The following ELAC2 variants were observed in gnomAD, a reference collection of about 807,000 sequenced individuals.
ELAC2 encodes the protein elaC ribonuclease Z 2.
A neutral mutation model predicts 105.2 loss-of-function variants in ELAC2; 92 were observed. That is an observed-to-expected ratio of 0.87 (90% CI 0.74 to 1.04). The LOEUF (loss-of-function observed/expected upper bound fraction) is 1.04, where lower values mean the gene tolerates loss of function less well. ELAC2 is among the 50% of genes least tolerant of loss of function. ELAC2 has a pLI of 0.00. For missense variants in ELAC2, 1,099 were observed against 1,071.7 expected (o/e 1.03, Z -0.36); for synonymous variants, 468 against 409.1 (o/e 1.14, Z -1.74).
chr17:12,997,649 T>C (rs2040545423), intron 16 of ELAC2, among the ~76,000 whole-genome samples: 2 of 152,212 alleles, frequency 1.3e-5, no homozygotes, highest in South Asian at 4.1e-4. Context: ...AGATTGTATA[T>C]TTCTGATGTC....
intron 16 of ELAC2, among the ~76,000 whole-genome samples, chr17:12,997,647 T>A (rs1029611167): frequency 5.3e-5 from 8 of 152,182 alleles, no homozygotes; most frequent in African/African-American, 1.7e-4. Flanking sequence ...CCAGATTGTA[T>A]ATTTCTGATG....
intron 14 of ELAC2, among the ~76,000 whole-genome samples, chr17:13,001,595 GC>G (rs1207239430): frequency 6.6e-6 from 1 of 152,162 alleles, no homozygotes; most frequent in Non-Finnish European, 1.5e-5. Flanking sequence ...ACTGGAAGAG[GC>G]TTTCAAGATG....
At position 12,994,869 on chromosome 17, in the gene ELAC2, C is replaced by T. The variant is rs149561185; in HGVS notation, c.1924G>A (p.Val642Met). The T allele has an allele frequency of 6.9e-5, 112 of 1,613,960 alleles. No homozygotes were observed. Among genetic ancestry groups the T allele is most frequent in the African/African-American group, 3.7e-4 (28 of 74,936 alleles). ...CCAAACGCATGCTTGCAGTGCCGCA[C>T]CAGACAGGTCTGAAACTGAAAGGGT... is the stretch of plus-strand genomic sequence containing the variant. ...CDLEEFQTCL[V>M]RHCKHAFGCA... Residue 642 changes from valine (V) to methionine (M), a missense_variant, in exon 21 of 24, where the codon GTG becomes ATG. Physicochemically the swap from Val to Met is conservative, Grantham distance 21. Transcript: ENST00000338034.
chr17:13,017,488 C>A (rs2041809155), intron 1 of ELAC2: 1 of 1,018,764 alleles, frequency 9.8e-7, no homozygotes, highest in Admixed American at 2.8e-5. Flanking sequence ...GGGAAAAGGA[C>A]GCTCAGACCC....
In ELAC2 at chr17:12,993,004, G is replaced by C. The variant is rs371543722; in HGVS notation, c.2295C>G (p.Pro765=). 1.1e-5 allele frequency: 17 copies of C among 1,606,182 alleles called. No individual in the cohort carries two copies. The highest frequency in any genetic ancestry group is 1.3e-5 in the African/African-American group (1 of 74,896). Residue 765 remains proline (P), a synonymous_variant, in exon 24 of 24, where the codon CCC becomes CCG. Coordinates refer to ENST00000338034, the MANE Select transcript of ELAC2 (RefSeq NM_018127.7). ...GDFPTMPKLI[P]PLKALFAGDI... ...CGCCAGCAAACAGGGCTTTCAGTGG[G>C]GGAATCAGCTTGGGCATTGTTGGAA...
At position 13,002,354 on chromosome 17, in the gene ELAC2, C is replaced by T. The variant is rs923784692; in HGVS notation, c.1224G>A (p.Glu408=). Residue 408 remains glutamate, a synonymous_variant, in exon 14 of 24, where the codon GAG becomes GAA. Transcript: ENST00000338034. ...CCATGGGCACACTGAGGGTGGGGCC[C>T]TCCTTCTGAAAGAGACAAAACACAT... is the stretch of plus-strand genomic sequence containing the variant. The part of the protein sequence containing the change: ...PLLTSFRCKK[E]GPTLSVPMVQ... The T allele has an allele frequency of 6.2e-7, 1 of 1,614,148 alleles. No homozygotes were observed.
intron 8 of ELAC2, among the ~76,000 whole-genome samples, chr17:13,008,933 A>T (rs2041256180): frequency 6.6e-6 from 1 of 152,226 alleles, no homozygotes; most frequent in South Asian, 2.1e-4. Flanking sequence ...GCCTGATAAT[A>T]GGGCAACTGC....
rs889538036 is a variant in ELAC2 at position 12,994,365 on chromosome 17, G to C, written c.2108+60C>G. On this transcript the variant is annotated intron_variant, in intron 22 of 23. Coordinates refer to ENST00000338034, the MANE Select transcript of ELAC2 (RefSeq NM_018127.7). ...AGTGGAGACAAACGACGGCTGCTCA[G>C]TGTCACGTAGTGGGGGAGGGAGAGG... The C allele has an allele frequency of 8.2e-6, 13 of 1,583,068 alleles. No homozygotes were observed. In the African/African-American group the frequency reaches 1.5e-4, roughly 18 times the overall value.
chr17:13,000,193 C>T lies in ELAC2; in HGVS notation c.1386G>A (p.Glu462=), dbSNP rs2143590653. ...QLPNFQQSVQ[E]YRRSAQDGPA... is the part of the protein sequence containing the mutation. ...GGCCGTCCTGCGCACTCCTCCTGTACTCCTGCACGCTCTGCTGGAAGTTGG... is the reference window on the plus strand; with the variant it reads ...GGCCGTCCTGCGCACTCCTCCTGTATTCCTGCACGCTCTGCTGGAAGTTGG... Residue 462 remains glutamate, a synonymous_variant, in exon 15 of 24, where the codon GAG becomes GAA. Transcript: ENST00000338034. 1.2e-6 allele frequency: 2 copies of T among 1,614,062 alleles called. No individual in the cohort carries two copies. Among genetic ancestry groups the T allele is most frequent in the Non-Finnish European group, 1.7e-6 (2 of 1,180,046 alleles).
rs184829226 is a variant in ELAC2 at position 12,991,966 on chromosome 17, T to C, written c.*852A>G. Among the ~76,000 whole-genome samples the C allele has an allele frequency of 8.1e-4, 123 of 152,192 alleles. No individual in the cohort carries two copies. The highest frequency in any genetic ancestry group is 1.6e-3 in the Non-Finnish European group (107 of 68,030). On this transcript the variant is annotated 3_prime_UTR_variant, in exon 24 of 24. Transcript: ENST00000338034. ...GAGGACAATGGAAACCAGCCCCGTG[T>C]GCCATTTCTCAAAACCTTCGAGGGC...
In ELAC2 at chr17:13,017,963, A is replaced by G; in HGVS notation, c.-16T>C. On this transcript the variant is annotated 5_prime_UTR_variant, in exon 1 of 24. Transcript: ENST00000338034. ...GCGCCCACATGCGCCCGTCTCCACC[A>G]AAACTGAGAAAGCCGCCGGTCACCT... 6.5e-7 allele frequency: 1 copy of G among 1,535,398 alleles called. No individual in the cohort carries two copies. The highest frequency in any genetic ancestry group is 8.7e-7 in the Non-Finnish European group (1 of 1,146,602).
rs971117784 is a variant in ELAC2, at chr17:13,017,965, A to C, written c.-18T>G. ...GCCCACATGCGCCCGTCTCCACCAAAACTGAGAAAGCCGCCGGTCACCTAC... is the reference window on the plus strand; with the variant it reads ...GCCCACATGCGCCCGTCTCCACCAACACTGAGAAAGCCGCCGGTCACCTAC... On this transcript the variant is annotated 5_prime_UTR_variant, in exon 1 of 24. Coordinates refer to ENST00000338034, the MANE Select transcript of ELAC2 (RefSeq NM_018127.7). 2.0e-6 allele frequency: 3 copies of C among 1,535,202 alleles called. No homozygotes were observed. The highest frequency in any genetic ancestry group is 2.6e-6 in the Non-Finnish European group (3 of 1,146,596).
At chr17:13,005,507 T>G (rs990865845) in intron 10 of ELAC2, among the ~76,000 whole-genome samples, 1 of 152,164 alleles carries the variant, frequency 6.6e-6, no homozygotes, top group Non-Finnish European at 1.5e-5. Flanking sequence ...AAGGAAAGCA[T>G]GCACCCTTTA....
At chr17:13,002,649 G>C in intron 12 of ELAC2, 70 bp from the exon 13 acceptor site, 2 of 1,552,478 alleles carry the variant, frequency 1.3e-6, no homozygotes, top group Non-Finnish European at 1.7e-6. Context: ...GTGGTGCTGA[G>C]CTCAGGAGTG....
chr17:13,006,237 G>A, intron 8 of ELAC2: 1 of 445,232 alleles, frequency 2.2e-6, no homozygotes, highest in Non-Finnish European at 4.1e-6. Flanking sequence ...AGGCGTGGTG[G>A]CACGTGCCTG....
chr17:13,013,799 G>A (rs2041564201), intron 5 of ELAC2, among the ~76,000 whole-genome samples: 2 of 152,184 alleles, frequency 1.3e-5, no homozygotes, highest in African/African-American at 4.8e-5. Context: ...TACAAAGTTG[G>A]CCACAAAACC....
chr17:12,998,463 G>C lies in ELAC2; in HGVS notation c.1469C>G (p.Ser490Cys), dbSNP rs1354808966. 1 of 1,614,222 alleles carries C rather than the reference G, an allele frequency of 6.2e-7. No homozygotes were observed. The highest frequency in any genetic ancestry group is 8.5e-7 in the Non-Finnish European group (1 of 1,180,050). Reference sequence around the variant, plus strand: ...ATTTCGAATCTTCATCGGGATGGCAGACCCTGTTCCAAGGAAGATGATTTC... The same window carrying C: ...ATTTCGAATCTTCATCGGGATGGCACACCCTGTTCCAAGGAAGATGATTTC... ...YPEIIFLGTG[S>C]AIPMKIRNVS... The change falls in exon 16 of 24, where the codon TCT becomes TGT. Residue 490 changes from serine (S) to cysteine (C), a missense_variant. Transcript: ENST00000338034.
At position 13,000,362 on chromosome 17, in the gene ELAC2, G is replaced by T. The variant is rs985592295; in HGVS notation, c.1305-88C>A. On this transcript the variant is annotated intron_variant, in intron 14 of 23. Transcript: ENST00000338034. ...TTGGGGATGTCCAGAATAAATTCAG[G>T]GGGACAATCTGCAGGAAGTTCCTTC... The T allele has an allele frequency of 3.3e-6, 4 of 1,222,136 alleles. No homozygotes were observed. The African/African-American group carries it at 5.9e-5, about 18-fold the overall frequency. 75.7% of individuals were successfully genotyped at this position (1,222,136 alleles called of 1,614,324 possible). A position where few individuals can be genotyped will look rare whatever the true frequency, so the allele number is the denominator to read the frequency against.
At chr17:12,994,538 T>C (rs371343827) in intron 21 of ELAC2, 35 bp from the exon 22 acceptor site, 89 of 1,613,362 alleles carry the variant, frequency 5.5e-5, no homozygotes, top group Non-Finnish European at 7.4e-5. Context: ...GGCAGAGTTC[T>C]CTGCGAGAGC....
Sources: gnomAD v4.1 joint callset for allele counts (sites outside exome capture counted in the v4.1 genomes callset) on GRCh38, gnomAD v4.1.1 for gene constraint, MANE v1.5 for transcripts, NCBI Gene and HGNC (gene_info 2026-07-23, HGNC 2026-07-21) for gene names.